The following LRRC37B variants were observed in gnomAD, a reference collection of about 807,000 sequenced individuals.
LRRC37B encodes leucine rich repeat containing 37B.
Under a neutral mutation model 98.3 loss-of-function variants are expected in LRRC37B, and 28 were observed. The observed-to-expected ratio is 0.28, with a 90% CI of 0.21 to 0.39. The LOEUF (loss-of-function observed/expected upper bound fraction) is 0.39. Ranked by LOEUF, LRRC37B falls within the 10% of genes least tolerant of loss-of-function variation. The pLI is 1.00. For missense variants in LRRC37B, 938 were observed against 1,182.7 expected (o/e 0.79, Z 3.03); for synonymous variants, 364 against 442.7 (o/e 0.82, Z 2.23).
At chr17:32,011,256 A>G (rs1038747224) in intron 1 of LRRC37B, among the ~76,000 whole-genome samples, 8 of 152,144 alleles carry the variant, frequency 5.3e-5, no homozygotes, top group African/African-American at 1.7e-4. Context: ...CAGCCTCCCA[A>G]AGTGCTGGGA....
intron 7 of LRRC37B, among the ~76,000 whole-genome samples, chr17:32,043,690 C>T (rs1911505138): frequency 6.6e-6 from 1 of 152,202 alleles, no homozygotes; most frequent in Non-Finnish European, 1.5e-5. Flanking sequence ...ATACGAGTCA[C>T]TTGTGATTAT....
intron 9 of LRRC37B, 35 bp from the exon 13 acceptor site, chr17:32,049,067 C>G: frequency 3.7e-6 from 6 of 1,613,122 alleles, no homozygotes; most frequent in Non-Finnish European, 5.1e-6. Flanking sequence ...CCCCTGAGCC[C>G]AAAAGCTTCA....
chr17:32,022,545 C>G lies in LRRC37B; in HGVS notation c.1480C>G (p.Leu494Val), dbSNP rs368558347. 39 of 1,613,870 alleles carry G rather than the reference C, an allele frequency of 2.4e-5. 1 individual carries two copies. The South Asian group carries it at 3.5e-4, about 15-fold the overall frequency. Residue 494 changes from leucine to valine, a missense_variant, in exon 1 of 12, where the codon CTG (leucine) becomes GTG (valine). Coordinates refer to ENST00000327564, the Ensembl canonical transcript of LRRC37B. Reference sequence around the variant, plus strand: ...TACAGAGATTGGACATTCCACAGCCCTGGAGAAGACTAGAGCTCCTCATCC... The same window carrying G: ...TACAGAGATTGGACATTCCACAGCCGTGGAGAAGACTAGAGCTCCTCATCC...
intron 8 of LRRC37B, among the ~76,000 whole-genome samples, chr17:32,046,863 T>C (rs542056967): frequency 6.6e-6 from 1 of 152,172 alleles, no homozygotes; most frequent in South Asian, 2.1e-4. Flanking sequence ...AGCTGCACAC[T>C]GGCACACTTG....
rs556484140 is a variant in LRRC37B at position 32,024,832 on chromosome 17, T to A, written c.1832+50T>A. ...ACAAAAAACTAACTGCATTGTAAGA[T>A]CCTTCTTGGTCCAGAATTTTGAGGT... is the stretch of plus-strand genomic sequence containing the variant. On this transcript the variant is annotated intron_variant, in intron 2 of 11. Coordinates refer to ENST00000327564, the Ensembl canonical transcript of LRRC37B. 7.1e-5 allele frequency: 113 copies of A among 1,585,798 alleles called. No homozygotes were observed. The Admixed American group carries it at 8.0e-4, about 11-fold the overall frequency.
upstream of LRRC37B, chr17:32,016,822 G>A (rs1471878262): frequency 6.6e-6 from 1 of 152,190 alleles, no homozygotes; most frequent in Non-Finnish European, 1.5e-5. Context: ...TAATTTAGTA[G>A]GCCTGGGTTT....
intron 7 of LRRC37B, chr17:32,041,486 C>T (rs1911432082): frequency 4.7e-6 from 3 of 639,460 alleles, no homozygotes; most frequent in Non-Finnish European, 8.8e-6. Flanking sequence ...TGGGCTTCTT[C>T]CTGCTCAGCT....
At chr17:32,051,980 G>A (rs1485989715) in intron 11 of LRRC37B, 1 of 151,110 alleles carries the variant, frequency 6.6e-6, no homozygotes, top group African/African-American at 2.4e-5. Flanking sequence ...TTTCTAGTTA[G>A]TTATTGGTGG....
intron 7 of LRRC37B, chr17:32,042,455 C>A: frequency 6.4e-6 from 1 of 157,228 alleles, no homozygotes; most frequent in Non-Finnish European, 1.4e-5. Context: ...AGCCAGGCCT[C>A]CCCTTGCCAA....
chr17:32,009,707 A>T (rs1910486043), intron 1 of LRRC37B, among the ~76,000 whole-genome samples: 2 of 151,916 alleles, frequency 1.3e-5, no homozygotes, highest in South Asian at 4.2e-4. Flanking sequence ...ATCTTGGCTC[A>T]CTGCAGTCTG....
At position 32,037,776 on chromosome 17, in the gene LRRC37B, C is replaced by T. The variant is rs181153294; in HGVS notation, c.2204+2137C>T. ...AATATTTTTATTGAGGCTTTTTTCCCCTGTTATCCCATTGGAGATTCATTA... is the reference window on the plus strand; with the variant it reads ...AATATTTTTATTGAGGCTTTTTTCCTCTGTTATCCCATTGGAGATTCATTA... On this transcript the variant is annotated intron_variant, in intron 7 of 11. Transcript: ENST00000327564. Among the ~76,000 whole-genome samples the T allele has an allele frequency of 2.0e-5, 3 of 152,018 alleles. No individual in the cohort carries two copies. The East Asian group carries it at 5.8e-4, about 29-fold the overall frequency.
exon 1 of LRRC37B, chr17:32,022,789 C>T (rs776596684): frequency 6.2e-7 from 1 of 1,613,952 alleles, no homozygotes; most frequent in Non-Finnish European, 8.5e-7. Context: ...GTGCCTGTGC[C>T]AGAGCCCGAC....
intron 1 of LRRC37B, 76 bp from the exon 5 acceptor site, chr17:32,024,635 G>T: frequency 1.2e-6 from 2 of 1,601,610 alleles, no homozygotes; most frequent in Non-Finnish European, 1.7e-6. Context: ...CCCCGACAAG[G>T]TTGCCATGAT....
At chr17:32,008,623 GAC>G (rs1267810253) in intron 1 of LRRC37B, among the ~76,000 whole-genome samples, 10 of 152,238 alleles carry the variant, frequency 6.6e-5, no homozygotes, top group African/African-American at 2.4e-4. Context: ...GTGGCACACA[GAC>G]ACACAGAAAA....
intron 9 of LRRC37B, chr17:32,048,174 G>A: frequency 1.4e-6 from 1 of 734,758 alleles, no homozygotes; most frequent in Non-Finnish European, 2.3e-6. Flanking sequence ...AAAACAGCCT[G>A]GCAGATTCAA....
Position 32,031,221 on chromosome 17 carries a change from G to A in LRRC37B, c.1977-157G>A, listed in dbSNP as rs189470801. ...AATGCACCACATGTGCAATGTTAAA[G>A]TATAAACCATAAGCCAGTATCTTCC... On this transcript the variant is annotated intron_variant, in intron 4 of 11. Transcript: ENST00000327564. Among the ~76,000 whole-genome samples the A allele has an allele frequency of 2.0e-5, 3 of 152,354 alleles. No homozygotes were observed. The East Asian group carries it at 5.8e-4, about 29-fold the overall frequency.
rs188416922 is a variant in LRRC37B, at chr17:32,037,359, A to G, written c.2204+1720A>G. Among the ~76,000 whole-genome samples, 281 of 151,744 alleles carry G rather than the reference A, an allele frequency of 1.9e-3. 3 individuals are homozygous for G. Among genetic ancestry groups the G allele is most frequent in the African/African-American group, 6.3e-3 (260 of 41,352 alleles). ...CAGCTCACTGCAACCTCGGCCTCCC[A>G]GGTTCAAGTGATTCTCCTCCCTCAG... On this transcript the variant is annotated intron_variant, in intron 7 of 11. Transcript: ENST00000327564.
upstream of LRRC37B, chr17:32,017,947 T>C (rs745316484): frequency 1.9e-5 from 4 of 209,018 alleles, no homozygotes; most frequent in African/African-American, 4.6e-5. Context: ...AGATTCTGAA[T>C]TGATACTTGC....
At chr17:32,041,216 C>T (rs773871982) in intron 7 of LRRC37B, 28 of 771,308 alleles carry the variant, frequency 3.6e-5, no homozygotes, top group Non-Finnish European at 2.7e-5. Flanking sequence ...CCTTTGACCT[C>T]GGAGAGCCTG....
Sources: gnomAD v4.1 joint callset for allele counts (sites outside exome capture counted in the v4.1 genomes callset) on GRCh38, gnomAD v4.1.1 for gene constraint, MANE v1.5 for transcripts, NCBI Gene and HGNC (gene_info 2026-07-23, HGNC 2026-07-21) for gene names.